Variants in ADAM32 observed in about 807,000 individuals in gnomAD.
The protein encoded by ADAM32 is ADAM metallopeptidase domain 32.
Under a neutral mutation model 114.9 loss-of-function variants are expected in ADAM32, and 89 were observed. The ratio of observed to expected loss-of-function variants is 0.77; its 90% CI spans 0.65 to 0.92. The LOEUF is 0.92. Ranked by LOEUF, ADAM32 falls within the 40% of genes least tolerant of loss-of-function variation. The pLI is 0.00. For synonymous variants in ADAM32, 285 were observed against 307.5 expected, an observed-to-expected ratio of 0.93 and a Z score of 0.77; for missense variants, 870 against 932.8, an observed-to-expected ratio of 0.93 and a Z score of 0.88.
chr8:39,136,310 A>T (rs953382595), intron 2 of ADAM32, among the ~76,000 whole-genome samples: 2 of 152,220 alleles, frequency 1.3e-5, no homozygotes, highest in African/African-American at 4.8e-5. Context: ...AGTAAGCTTC[A>T]CTGATGTAGA....
At chr8:39,273,232 G>A (rs1251778440) in intron 20 of ADAM32, among the ~76,000 whole-genome samples, 3 of 152,026 alleles carry the variant, frequency 2.0e-5, no homozygotes, top group Admixed American at 6.6e-5. Flanking sequence ...TAGGCCTGGC[G>A]CGGTGGCTCA....
chr8:39,164,576 T>C (rs888284627), intron 7 of ADAM32, among the ~76,000 whole-genome samples, 188 bp from the exon 8 acceptor site: 4 of 152,206 alleles, frequency 2.6e-5, no homozygotes, highest in African/African-American at 9.6e-5. Flanking sequence ...AGAGTGGCTG[T>C]ACCATTTTAC....
rs543792660 is a variant in ADAM32, at chr8:39,175,382, G to T, written c.915+5385G>T. On this transcript the variant is annotated intron_variant, in intron 10 of 24. Coordinates refer to ENST00000379907, the MANE Select transcript of ADAM32 (RefSeq NM_145004.7). ...ATTCTTTCTACCTAGTTTACTGAGA[G>T]ATTTTAACATGAAAATTTTTTCAAA... is the stretch of plus-strand genomic sequence containing the variant. Among the ~76,000 whole-genome samples the T allele has an allele frequency of 2.0e-4, 31 of 152,196 alleles. No individual in the cohort carries two copies. In the South Asian group the frequency reaches 6.0e-3, roughly 30 times the overall value.
intron 16 of ADAM32, among the ~76,000 whole-genome samples, chr8:39,236,336 C>A (rs1029242315): frequency 6.6e-6 from 1 of 151,978 alleles, no homozygotes; most frequent in Non-Finnish European, 1.5e-5. Flanking sequence ...ACAAGATATT[C>A]TTTGAACTGT....
At chr8:39,154,072 G>T (rs1804000290) in intron 6 of ADAM32, among the ~76,000 whole-genome samples, 1 of 132,554 alleles carries the variant, frequency 7.5e-6, no homozygotes, top group Non-Finnish European at 1.7e-5. Flanking sequence ...TAAGTTCTGG[G>T]GTACATGTGC....
chr8:39,182,514 A>G (rs767950074), intron 10 of ADAM32, among the ~76,000 whole-genome samples: 11 of 152,168 alleles, frequency 7.2e-5, no homozygotes, highest in Non-Finnish European at 1.5e-4. Flanking sequence ...CATACTTATC[A>G]TTTTTACGGT....
upstream of ADAM32, chr8:39,107,579 GT>G: frequency 7.1e-7 from 1 of 1,399,582 alleles, no homozygotes; most frequent in Non-Finnish European, 9.3e-7. Flanking sequence ...GGAGCTGGAT[GT>G]TTTAGCCTCG....
chr8:39,191,064 G>A (rs771029490), intron 11 of ADAM32, among the ~76,000 whole-genome samples: 19 of 152,006 alleles, frequency 1.2e-4, no homozygotes, highest in Admixed American at 2.0e-4. Flanking sequence ...TCCATCCATC[G>A]TCCTGCAAAA....
intron 2 of ADAM32, among the ~76,000 whole-genome samples, chr8:39,121,632 G>A (rs960539646): frequency 3.3e-5 from 5 of 152,286 alleles, no homozygotes; most frequent in South Asian, 2.1e-4. Context: ...GACCCTGAAA[G>A]CAATTCAGAG....
At chr8:39,190,677 G>C (rs182462676) in intron 11 of ADAM32, among the ~76,000 whole-genome samples, 1 of 152,336 alleles carries the variant, frequency 6.6e-6, no homozygotes, top group East Asian at 1.9e-4. Flanking sequence ...TCAGAAAAGA[G>C]AGCAGTTTGG....
In ADAM32 at chr8:39,164,852, T is replaced by C. The variant is rs774890524; in HGVS notation, c.666+17T>C. ...GCAAATTCAGTAAGTGTTTTCCTTT[T>C]CATATTAAAATAATTGTTGTTTTGA... is the stretch of plus-strand genomic sequence containing the variant. On this transcript the variant is annotated intron_variant, in intron 8 of 24. Transcript: ENST00000379907. The C allele has an allele frequency of 1.0e-5, 16 of 1,589,960 alleles. No homozygotes were observed. Among genetic ancestry groups the C allele is most frequent in the Admixed American group, 3.5e-5 (2 of 57,696 alleles).
intron 6 of ADAM32, among the ~76,000 whole-genome samples, chr8:39,154,821 G>A (rs1365336405): frequency 6.6e-6 from 1 of 150,708 alleles, no homozygotes; most frequent in African/African-American, 2.4e-5. Flanking sequence ...TCATATGTTT[G>A]TTGGTTGCAT....
At position 39,199,875 on chromosome 8, in the gene ADAM32, G is replaced by A. The variant is rs1276333354; in HGVS notation, c.1053-11269G>A. On this transcript the variant is annotated intron_variant, in intron 11 of 24. Transcript: ENST00000379907. ...CTATGAGTGAGAACATGCGGTGTTTGGTTTTTTGTCCTTGCGATAGTTTGC... is the reference window on the plus strand; with the variant it reads ...CTATGAGTGAGAACATGCGGTGTTTAGTTTTTTGTCCTTGCGATAGTTTGC... Among the ~76,000 whole-genome samples the A allele has an allele frequency of 2.0e-5, 3 of 150,186 alleles. No homozygotes were observed. The South Asian group carries it at 6.4e-4, about 32-fold the overall frequency.
intron 11 of ADAM32, among the ~76,000 whole-genome samples, chr8:39,205,702 T>C (rs1432515432): frequency 6.6e-6 from 1 of 152,252 alleles, no homozygotes; most frequent in African/African-American, 2.4e-5. Flanking sequence ...ATCACCCATC[T>C]TCTGCGTTGC....
At chr8:39,213,501 T>A (rs1329996439) in intron 12 of ADAM32, among the ~76,000 whole-genome samples, 1 of 152,176 alleles carries the variant, frequency 6.6e-6, no homozygotes, top group Non-Finnish European at 1.5e-5. Flanking sequence ...AAAAAATTTC[T>A]AATTTTTGTG....
At chr8:39,182,510 TATC>T (rs1805964890) in intron 10 of ADAM32, among the ~76,000 whole-genome samples, 1 of 152,214 alleles carries the variant, frequency 6.6e-6, no homozygotes, top group Admixed American at 6.5e-5. Flanking sequence ...CTCACATACT[TATC>T]ATTTTTACGG....
intron 2 of ADAM32, among the ~76,000 whole-genome samples, chr8:39,126,461 G>A (rs1802122287): frequency 6.6e-6 from 1 of 152,102 alleles, no homozygotes; most frequent in African/African-American, 2.4e-5. Flanking sequence ...GTTAATTGAT[G>A]ACTTGGTTCT....
At chr8:39,174,627 T>G (rs1005123136) in intron 10 of ADAM32, among the ~76,000 whole-genome samples, 1 of 151,628 alleles carries the variant, frequency 6.6e-6, no homozygotes, top group Admixed American at 6.6e-5. Flanking sequence ...TCATCTAGCA[T>G]TAGGTATATC....
At chr8:39,138,267 G>C (rs4531014) in intron 3 of ADAM32, among the ~76,000 whole-genome samples, 43,086 of 151,872 alleles carry the variant, frequency 0.28, 6,128 homozygotes, top group Middle Eastern at 0.34. Context: ...TTGGTTTGCT[G>C]CACCCATCAA....
Sources: gnomAD v4.1 joint callset for allele counts (sites outside exome capture counted in the v4.1 genomes callset) on GRCh38, gnomAD v4.1.1 for gene constraint, MANE v1.5 for transcripts, NCBI Gene and HGNC (gene_info 2026-07-23, HGNC 2026-07-21) for gene names.